The following ATP8B1 variants were observed in gnomAD, a reference collection of about 807,000 sequenced individuals.
The protein encoded by ATP8B1 is phospholipid-transporting ATPase IC.
A neutral mutation model predicts 149.9 loss-of-function variants in ATP8B1; 80 were observed. That is an observed-to-expected ratio of 0.53 (90% CI 0.45 to 0.64). The LOEUF (loss-of-function observed/expected upper bound fraction) is 0.64. Ranked by LOEUF, ATP8B1 falls within the 30% of genes least tolerant of loss-of-function variation. ATP8B1 has a pLI of 0.00. For missense variants in ATP8B1, 1,247 were observed against 1,552.6 expected (o/e 0.80, Z 3.31); for synonymous variants, 536 against 562.8 (o/e 0.95, Z 0.67).
intron 1 of ATP8B1, 62 bp from the exon 2 acceptor site, chr18:57,731,894 G>A: frequency 7.0e-7 from 1 of 1,418,620 alleles, no homozygotes; most frequent in East Asian, 2.3e-5. Flanking sequence ...GTTGAATACT[G>A]CCTGCATGCT....
intron 22 of ATP8B1, among the ~76,000 whole-genome samples, chr18:57,658,502 A>G (rs1599076447): frequency 1.3e-5 from 2 of 152,222 alleles, no homozygotes; most frequent in East Asian, 1.9e-4. Context: ...GGGCAGAAAC[A>G]TGGTGGGTCA....
chr18:57,676,504 G>A (rs1013058137), intron 15 of ATP8B1, among the ~76,000 whole-genome samples: 3 of 151,916 alleles, frequency 2.0e-5, no homozygotes, highest in Admixed American at 2.0e-4. Context: ...TAGATCATGA[G>A]GTCAGGAGAT....
At chr18:57,669,870 C>G (rs748381883) in intron 17 of ATP8B1, among the ~76,000 whole-genome samples, 4 of 152,070 alleles carry the variant, frequency 2.6e-5, no homozygotes, top group Non-Finnish European at 4.4e-5. Context: ...CTTGAACTCA[C>G]GAGCTCATGT....
rs1599111197 is a variant in ATP8B1, at chr18:57,682,344, A to G, written c.1630+1692T>C. On this transcript the variant is annotated intron_variant, in intron 15 of 27. Coordinates refer to ENST00000648908, the MANE Select transcript of ATP8B1 (RefSeq NM_001374385.1). ...TTGTACATCCAACCTTCTTACTACAACACCGAGGAAGGTGGTTCTCAGAGA... is the reference window on the plus strand; with the variant it reads ...TTGTACATCCAACCTTCTTACTACAGCACCGAGGAAGGTGGTTCTCAGAGA... Among the ~76,000 whole-genome samples the G allele has an allele frequency of 2.0e-5, 3 of 152,210 alleles. No homozygotes were observed. The East Asian group carries it at 5.8e-4, about 29-fold the overall frequency.
chr18:57,798,809 C>A (rs1176252742), intron 1 of ATP8B1, among the ~76,000 whole-genome samples: 8 of 152,094 alleles, frequency 5.3e-5, no homozygotes, highest in Admixed American at 4.6e-4. Flanking sequence ...GTCCTCTGAG[C>A]CACCAGGGCT....
chr18:57,788,458 G>A (rs569383660), intron 1 of ATP8B1, among the ~76,000 whole-genome samples: 268 of 151,984 alleles, frequency 1.8e-3, no homozygotes, highest in African/African-American at 6.0e-3. Context: ...GGGAGGCTGG[G>A]GCATGAGAAT....
At chr18:57,771,630 T>TA (rs1256937710) in intron 1 of ATP8B1, among the ~76,000 whole-genome samples, 6 of 152,196 alleles carry the variant, frequency 3.9e-5, no homozygotes, top group Admixed American at 3.9e-4. Flanking sequence ...TCAGGCCACA[T>TA]ACAGCAGCAG....
intron 23 of ATP8B1, among the ~76,000 whole-genome samples, chr18:57,654,848 G>T (rs34653195): frequency 0.077 from 11,736 of 151,618 alleles, 558 homozygotes; most frequent in Middle Eastern, 0.14. Context: ...CACCACACCC[G>T]GAAAATTTTT....
chr18:57,695,204 T>A lies in ATP8B1; in HGVS notation c.907A>T (p.Thr303Ser). 1 of 1,614,172 alleles carries A rather than the reference T, an allele frequency of 6.2e-7. No homozygotes were observed. Among genetic ancestry groups the A allele is most frequent in the Non-Finnish European group, 8.5e-7 (1 of 1,180,038 alleles). The change falls in exon 10 of 28, where the codon ACC (threonine) becomes TCC (serine). Residue 303 changes from threonine (T) to serine (S), a missense_variant. Thr to Ser is a moderately conservative substitution (Grantham distance 58, BLOSUM62 1). Transcript: ENST00000648908. ...ILLRGCVIRN[T>S]DFCHGLVIFA... ...ATGACTAAGCCGTGGCAGAAATCGG[T>A]GTTCCTAATTACACAGCCACGTAAC...
At chr18:57,665,533 A>G (rs973432255) in intron 20 of ATP8B1, among the ~76,000 whole-genome samples, 3 of 152,148 alleles carry the variant, frequency 2.0e-5, no homozygotes, top group African/African-American at 7.2e-5. Flanking sequence ...CTCATTAAGC[A>G]TTAAGCATTT....
chr18:57,718,103 TAAAAAAAAAAAAAA>T (rs59629558), intron 2 of ATP8B1, among the ~76,000 whole-genome samples: 1 of 31,798 alleles, frequency 3.1e-5, no homozygotes, highest in Non-Finnish European at 5.8e-5. Context: ...CTGGACTAAC[TAAAAAAAAAAAAAA>T]AAAAAAAAAG....
intron 2 of ATP8B1, among the ~76,000 whole-genome samples, chr18:57,710,410 C>A (rs1018822352): frequency 5.3e-5 from 8 of 152,184 alleles, no homozygotes; most frequent in African/African-American, 1.9e-4. Flanking sequence ...ATGATCACCA[C>A]GTCCTTTGAT....
At position 57,736,453 on chromosome 18, in the gene ATP8B1, G is replaced by GTTTTTTTTTTTTT. The variant is rs71171079; in HGVS notation, c.-25-4634_-25-4622dup. Among the ~76,000 whole-genome samples the GTTTTTTTTTTTTT allele has an allele frequency of 1.4e-4, 10 of 70,144 alleles. 4 individuals carry two copies. The highest frequency in any genetic ancestry group is 5.6e-4 in the East Asian group (1 of 1,786). The allele number at this position is 70,144 out of a possible 152,430, so 46.0% of individuals were successfully genotyped here. On this transcript the variant is annotated intron_variant, in intron 1 of 27. Coordinates refer to ENST00000648908, the MANE Select transcript of ATP8B1 (RefSeq NM_001374385.1). ...TTTCTTCTAGTATAAAGTTTTACTAGTTTTTTTTTTTTTTTTTTTTTTTTG... is the reference window on the plus strand; with the variant it reads ...TTTCTTCTAGTATAAAGTTTTACTAGTTTTTTTTTTTTTTTTTTTTTTTTTTTTTTTTTTTTTG...
chr18:57,721,007 G>A lies in ATP8B1; in HGVS notation c.181+10620C>T, dbSNP rs1299512102. 2.4e-5 allele frequency among the ~76,000 whole-genome samples: 3 copies of A among 127,514 alleles called. 1 individual carries two copies. The highest frequency in any genetic ancestry group is 5.0e-5 in the Non-Finnish European group (3 of 59,538). The allele number at this position is 127,514 out of a possible 152,430, so 83.7% of individuals were successfully genotyped here. On this transcript the variant is annotated intron_variant, in intron 2 of 27. Coordinates refer to ENST00000648908, the MANE Select transcript of ATP8B1 (RefSeq NM_001374385.1). ...TATCCAGCCAAACTAAGCTTCATAAGTGAAGGAGAAATCAAATACTTTACA... is the reference window on the plus strand; with the variant it reads ...TATCCAGCCAAACTAAGCTTCATAAATGAAGGAGAAATCAAATACTTTACA...
intron 1 of ATP8B1, among the ~76,000 whole-genome samples, chr18:57,758,358 AG>A (rs2080105755): frequency 1.3e-5 from 2 of 152,194 alleles, no homozygotes; most frequent in Non-Finnish European, 2.9e-5. Context: ...ATAAGAAGAT[AG>A]GCCAGGCGCG....
chr18:57,700,977 G>A, intron 6 of ATP8B1, 62 bp downstream of exon 6: 4 of 1,444,698 alleles, frequency 2.8e-6, no homozygotes, highest in Non-Finnish European at 3.9e-6. Context: ...ATCTCTGAAT[G>A]TGTTTCTAGG....
At chr18:57,723,762 A>G (rs1219149277) in intron 2 of ATP8B1, among the ~76,000 whole-genome samples, 1 of 143,058 alleles carries the variant, frequency 7.0e-6, no homozygotes, top group Non-Finnish European at 1.5e-5. Flanking sequence ...TAAAGTTCAT[A>G]TGGAACCAAA....
chr18:57,695,448 A>G lies in ATP8B1; in HGVS notation c.781+2T>C, dbSNP rs774294366. On this transcript the variant is annotated splice_donor_variant, in intron 9 of 27. Coordinates refer to ENST00000648908, the MANE Select transcript of ATP8B1 (RefSeq NM_001374385.1). LOFTEE classifies it high-confidence loss of function. ...GCAAAGTAAGACATGTTTGGTACAA[A>G]CCATCAAATGTAGCCAATGTATCTT... The G allele has an allele frequency of 1.2e-5, 20 of 1,610,642 alleles. No homozygotes were observed. The highest frequency in any genetic ancestry group is 1.7e-5 in the Non-Finnish European group (20 of 1,176,844).
chr18:57,790,783 C>A (rs559112911), intron 1 of ATP8B1, among the ~76,000 whole-genome samples: 1 of 152,020 alleles, frequency 6.6e-6, no homozygotes, highest in African/African-American at 2.4e-5. Flanking sequence ...TGCAGTGGTG[C>A]GATCTCCACT....
Sources: gnomAD v4.1 joint callset for allele counts (sites outside exome capture counted in the v4.1 genomes callset) on GRCh38, gnomAD v4.1.1 for gene constraint, MANE v1.5 for transcripts, NCBI Gene and HGNC (gene_info 2026-07-23, HGNC 2026-07-21) for gene names.